Variants in TIAM1 observed in about 807,000 individuals in gnomAD.
TIAM1 encodes TIAM Rac1 associated GEF 1.
A neutral mutation model predicts 163.5 loss-of-function variants in TIAM1; 65 were observed. The ratio of observed to expected loss-of-function variants is 0.40; its 90% CI spans 0.33 to 0.49. The LOEUF (loss-of-function observed/expected upper bound fraction) is 0.49. TIAM1 is among the 20% of genes least tolerant of loss of function. The pLI, the probability that TIAM1 is intolerant of heterozygous loss-of-function variation, is 0.77. For synonymous variants in TIAM1, 833 were observed against 810.1 expected, an observed-to-expected ratio of 1.03 and a Z score of -0.48; for missense variants, 1,789 against 2,044.7, an observed-to-expected ratio of 0.87 and a Z score of 2.41.
rs560590609 is a variant in TIAM1, at chr21:31,395,127, A to G, written c.-368-55705T>C. The stretch of plus-strand genomic sequence containing the variant: ...GTGGCGCGTGCCTGTAGTCCCAGCT[A>G]CTTGGGAGGCTGCGGCACCAGAATT... On this transcript the variant is annotated intron_variant, in intron 2 of 28. Transcript: ENST00000286827. This position sits in a 1 kb window ranked among gnomAD's most constrained non-coding sequence, Gnocchi z 7.5. Among the ~76,000 whole-genome samples, 3 of 152,146 alleles carry G rather than the reference A, an allele frequency of 2.0e-5. No homozygotes were observed. The South Asian group carries it at 6.2e-4, about 32-fold the overall frequency.
chr21:31,206,408 C>T (rs16987958), intron 11 of TIAM1, among the ~76,000 whole-genome samples: 1,986 of 152,252 alleles, frequency 0.013, 48 homozygotes, highest in African/African-American at 0.044. Flanking sequence ...AAAGGAATTT[C>T]AAATGTTAAT....
chr21:31,317,987 A>G (rs534895554), intron 2 of TIAM1, among the ~76,000 whole-genome samples: 1 of 152,336 alleles, frequency 6.6e-6, no homozygotes, highest in South Asian at 2.1e-4. Context: ...GGATTTCAAA[A>G]TGAAGATATT....
At chr21:31,556,611 GTT>G (rs1289887085) in intron 1 of TIAM1, among the ~76,000 whole-genome samples, 1 of 151,546 alleles carries the variant, frequency 6.6e-6, no homozygotes, top group Non-Finnish European at 1.5e-5. Context: ...ATTATTTTGT[GTT>G]GTTTATTTCT....
intron 2 of TIAM1, among the ~76,000 whole-genome samples, chr21:31,406,506 A>G (rs2077249494): frequency 7.0e-6 from 1 of 142,050 alleles, no homozygotes; most frequent in Non-Finnish European, 1.5e-5. Context: ...GCTTTAGAAC[A>G]GGGCCTGCCC....
At chr21:31,167,776 T>C (rs2084307256) in intron 15 of TIAM1, among the ~76,000 whole-genome samples, 1 of 152,142 alleles carries the variant, frequency 6.6e-6, no homozygotes, top group African/African-American at 2.4e-5. Flanking sequence ...ATCAAAAATG[T>C]ACCCACACAT....
chr21:31,479,762 T>A (rs149865340), intron 1 of TIAM1, among the ~76,000 whole-genome samples: 1,645 of 152,174 alleles, frequency 0.011, 12 homozygotes, highest in South Asian at 0.027. Flanking sequence ...GCCTACAAAG[T>A]CCTCCAAGTG....
At chr21:31,440,895 G>C (rs1298052577) in intron 2 of TIAM1, among the ~76,000 whole-genome samples, 1 of 152,068 alleles carries the variant, frequency 6.6e-6, no homozygotes, top group African/African-American at 2.4e-5. Flanking sequence ...AAGAAAAAAA[G>C]ACAAATGAAG....
chr21:31,199,557 A>G, intron 12 of TIAM1, among the ~76,000 whole-genome samples: 1 of 149,170 alleles, frequency 6.7e-6, no homozygotes, highest in African/African-American at 2.5e-5. Context: ...TTGAGACAGA[A>G]TCTGGCTTTG....
chr21:31,401,642 G>A (rs2077166030), intron 2 of TIAM1, among the ~76,000 whole-genome samples: 1 of 152,124 alleles, frequency 6.6e-6, no homozygotes, highest in Admixed American at 6.5e-5. Context: ...TAAAAATTTG[G>A]AATTAAGATT....
At chr21:31,328,863 C>T (rs538589805) in intron 2 of TIAM1, among the ~76,000 whole-genome samples, 4 of 152,194 alleles carry the variant, frequency 2.6e-5, no homozygotes, top group African/African-American at 7.2e-5. Flanking sequence ...TCAGACTGGT[C>T]TCGAACTCCC....
chr21:31,347,541 G>A (rs1397605587), upstream of TIAM1, among the ~76,000 whole-genome samples: 2 of 152,172 alleles, frequency 1.3e-5, no homozygotes, highest in East Asian at 3.8e-4. Context: ...AAGAAAATGT[G>A]AACGCAGGTC....
chr21:31,356,527 G>A (rs1392840226), intron 2 of TIAM1, among the ~76,000 whole-genome samples: 1 of 152,126 alleles, frequency 6.6e-6, no homozygotes, highest in African/African-American at 2.4e-5. Flanking sequence ...TCATGAGATC[G>A]GAGCCCCCAG....
At chr21:31,496,933 C>T (rs2046680455) in intron 1 of TIAM1, among the ~76,000 whole-genome samples, 1 of 152,154 alleles carries the variant, frequency 6.6e-6, no homozygotes, top group African/African-American at 2.4e-5. Flanking sequence ...GTTAGATTCT[C>T]ATAAGGAGCA....
chr21:31,315,431 C>T (rs1324393153), intron 2 of TIAM1, among the ~76,000 whole-genome samples: 2 of 151,738 alleles, frequency 1.3e-5, no homozygotes, highest in African/African-American at 4.8e-5. Flanking sequence ...AGGAGAATGG[C>T]GTGAACCCGG....
intron 17 of TIAM1, among the ~76,000 whole-genome samples, chr21:31,153,995 T>A (rs2083496352): frequency 6.6e-6 from 1 of 151,856 alleles, no homozygotes; most frequent in Non-Finnish European, 1.5e-5. Flanking sequence ...GCGCAGGAAG[T>A]AAAGGCTGCA....
chr21:31,224,383 G>A (rs1340753729), intron 7 of TIAM1, among the ~76,000 whole-genome samples: 1 of 152,144 alleles, frequency 6.6e-6, no homozygotes, highest in Non-Finnish European at 1.5e-5. Context: ...AACAAACCAT[G>A]GTGTATACGT....
intron 4 of TIAM1, among the ~76,000 whole-genome samples, chr21:31,255,151 G>A (rs767212761): frequency 1.6e-4 from 24 of 152,164 alleles, no homozygotes; most frequent in Admixed American, 1.3e-3. Flanking sequence ...AAAGACCTGC[G>A]GGCCCCAGGT....
chr21:31,173,910 T>C (rs1442702484), intron 15 of TIAM1, among the ~76,000 whole-genome samples: 1 of 152,166 alleles, frequency 6.6e-6, no homozygotes, highest in Admixed American at 6.5e-5. Context: ...CAAATCTCAC[T>C]GGAAGTTACC....
intron 2 of TIAM1, among the ~76,000 whole-genome samples, chr21:31,392,227 T>G (rs1412945549): frequency 6.6e-6 from 1 of 152,178 alleles, no homozygotes; most frequent in African/African-American, 2.4e-5. Flanking sequence ...TCAGAAGCCA[T>G]GAAAACACGG....
Sources: gnomAD v4.1 joint callset for allele counts (sites outside exome capture counted in the v4.1 genomes callset) on GRCh38, gnomAD v4.1.1 for gene constraint, Gnocchi (gnomAD v3.1) non-coding constraint, MANE v1.5 for transcripts, NCBI Gene and HGNC (gene_info 2026-07-23, HGNC 2026-07-21) for gene names.